UNC13C: variants seen among roughly 807,000 people sequenced by gnomAD.
UNC13C encodes protein unc-13 homolog C.
Under a neutral mutation model 245.4 loss-of-function variants are expected in UNC13C, and 174 were observed. The observed-to-expected ratio is 0.71, with a 90% CI of 0.63 to 0.80. The LOEUF is 0.80. Among genes scored for constraint, UNC13C ranks in the 30% least tolerant of loss-of-function variants. UNC13C has a pLI of 0.00. For synonymous variants in UNC13C, 992 were observed against 895.1 expected, an observed-to-expected ratio of 1.11 and a Z score of -1.93; for missense variants, 2,829 against 2,602.9, an observed-to-expected ratio of 1.09 and a Z score of -1.89.
intron 30 of UNC13C, among the ~76,000 whole-genome samples, chr15:54,617,974 T>C (rs779244125): frequency 9.2e-5 from 14 of 152,096 alleles, no homozygotes; most frequent in Admixed American, 3.3e-4. Context: ...ACCTAAGCAA[T>C]TGGTTAACTT....
chr15:54,236,505 G>A (rs989978512), intron 6 of UNC13C, 70 bp downstream of exon 6: 1 of 1,132,602 alleles, frequency 8.8e-7, no homozygotes, highest in Non-Finnish European at 1.3e-6. Flanking sequence ...CTTACTCATG[G>A]GGTAAAAGAG....
chr15:54,384,111 T>C (rs2039785514), intron 17 of UNC13C, among the ~76,000 whole-genome samples: 1 of 152,104 alleles, frequency 6.6e-6, no homozygotes, highest in Admixed American at 6.6e-5. Flanking sequence ...TCAATGTAAT[T>C]CCTATCAAAA....
At chr15:54,375,588 G>A (rs1375378160) in intron 17 of UNC13C, among the ~76,000 whole-genome samples, 4 of 152,214 alleles carry the variant, frequency 2.6e-5, no homozygotes, top group Admixed American at 2.6e-4. Flanking sequence ...ATGAAAAGAA[G>A]GACTACATTG....
At chr15:54,533,397 C>T (rs1488013296) in intron 26 of UNC13C, among the ~76,000 whole-genome samples, 1 of 152,104 alleles carries the variant, frequency 6.6e-6, no homozygotes, top group Non-Finnish European at 1.5e-5. Context: ...TCCTCCTGGA[C>T]ATAGAGAAAG....
chr15:54,389,648 T>C (rs1359768546), intron 17 of UNC13C, among the ~76,000 whole-genome samples: 1 of 152,134 alleles, frequency 6.6e-6, no homozygotes, highest in Non-Finnish European at 1.5e-5. Flanking sequence ...AAAGCTGTTA[T>C]AGCCCATTTT....
chr15:53,995,216 G>A (rs1894566299), intron 1 of UNC13C, among the ~76,000 whole-genome samples: 1 of 152,048 alleles, frequency 6.6e-6, no homozygotes, highest in South Asian at 2.1e-4. Context: ...CAGACATATT[G>A]ATTTGGTAGT....
chr15:54,347,338 A>G (rs529814309), intron 17 of UNC13C, among the ~76,000 whole-genome samples: 24 of 152,352 alleles, frequency 1.6e-4, no homozygotes, highest in Middle Eastern at 3.4e-3. Flanking sequence ...TTGTTTACAC[A>G]GAGATCATCC....
intron 21 of UNC13C, 65 bp from the exon 22 acceptor site, chr15:54,500,768 CAG>C: frequency 7.3e-7 from 1 of 1,365,726 alleles, no homozygotes; most frequent in Non-Finnish European, 1.0e-6. Context: ...TGATGGGAAA[CAG>C]TGAAGATTTT....
At chr15:54,550,098 A>T (rs1033891467) in intron 28 of UNC13C, among the ~76,000 whole-genome samples, 1 of 152,198 alleles carries the variant, frequency 6.6e-6, no homozygotes, top group African/African-American at 2.4e-5. Context: ...GTGCTTAGTT[A>T]TAATTTGAGA....
intron 4 of UNC13C, among the ~76,000 whole-genome samples, chr15:54,225,682 T>G (rs1295687347): frequency 2.6e-5 from 4 of 152,264 alleles, no homozygotes; most frequent in African/African-American, 7.2e-5. Flanking sequence ...TTGCTGAAGT[T>G]GCTTATCAGC....
At chr15:54,613,304 C>CA (rs1195851194) in intron 30 of UNC13C, among the ~76,000 whole-genome samples, 1 of 151,698 alleles carries the variant, frequency 6.6e-6, no homozygotes, top group Non-Finnish European at 1.5e-5. Context: ...ATACAATGAT[C>CA]AAAATCCCAA....
chr15:54,186,668 G>A (rs556541880), intron 4 of UNC13C, among the ~76,000 whole-genome samples: 1 of 151,772 alleles, frequency 6.6e-6, no homozygotes, highest in Admixed American at 6.6e-5. Flanking sequence ...TAGTAAGAAT[G>A]GATCAATACC....
chr15:54,464,919 T>G (rs544193041), intron 19 of UNC13C, among the ~76,000 whole-genome samples: 1 of 152,092 alleles, frequency 6.6e-6, no homozygotes, highest in South Asian at 2.1e-4. Flanking sequence ...ATTACAGGCT[T>G]CACTAAAATT....
At chr15:54,378,693 C>A (rs1423807122) in intron 17 of UNC13C, among the ~76,000 whole-genome samples, 3 of 151,676 alleles carry the variant, frequency 2.0e-5, no homozygotes, top group Admixed American at 1.3e-4. Context: ...CAAATTTATA[C>A]AATAAATTAA....
intron 30 of UNC13C, among the ~76,000 whole-genome samples, chr15:54,606,301 G>T: frequency 6.6e-6 from 1 of 152,112 alleles, no homozygotes; most frequent in Non-Finnish European, 1.5e-5. Flanking sequence ...GACAAACTTT[G>T]CAAAGCTTTG....
At chr15:54,145,212 T>G (rs2032203318) in intron 4 of UNC13C, among the ~76,000 whole-genome samples, 1 of 152,104 alleles carries the variant, frequency 6.6e-6, no homozygotes, top group Non-Finnish European at 1.5e-5. Flanking sequence ...TGTTTTAGTT[T>G]TTTTATCTAG....
At chr15:54,604,343 G>A (rs189429845) in intron 30 of UNC13C, among the ~76,000 whole-genome samples, 26 of 152,074 alleles carry the variant, frequency 1.7e-4, no homozygotes, top group East Asian at 1.2e-3. Context: ...CAGTTTTTCC[G>A]TTAAGAAACA....
the UNC13C span, among the ~76,000 whole-genome samples, chr15:53,900,384 G>A: frequency 8.5e-5 from 13 of 152,066 alleles, no homozygotes; most frequent in African/African-American, 2.9e-4. Flanking sequence ...AATTAAACAT[G>A]TTCTTTATTT....
At chr15:53,988,620 C>A (rs907016386) in intron 1 of UNC13C, among the ~76,000 whole-genome samples, 1 of 151,768 alleles carries the variant, frequency 6.6e-6, no homozygotes, top group Non-Finnish European at 1.5e-5. Context: ...TTTGGAAGTA[C>A]ATTCTTTCCA....
Sources: gnomAD v4.1 joint callset for allele counts (sites outside exome capture counted in the v4.1 genomes callset) on GRCh38, gnomAD v4.1.1 for gene constraint, MANE v1.5 for transcripts, NCBI Gene and HGNC (gene_info 2026-07-23, HGNC 2026-07-21) for gene names.